The following MED29 variants were observed in gnomAD, a reference collection of about 807,000 sequenced individuals.
The protein encoded by MED29 is mediator complex subunit 29.
In MED29, 14 loss-of-function variants were observed where a neutral mutation model predicts 22.0. The ratio of observed to expected loss-of-function variants is 0.64; its 90% CI spans 0.42 to 0.99. MED29 has a LOEUF of 0.99. MED29 is among the 50% of genes least tolerant of loss of function. MED29 has a pLI of 0.00. For missense variants in MED29, 241 were observed against 253.7 expected (o/e 0.95, Z 0.34); for synonymous variants, 123 against 107.8 (o/e 1.14, Z -0.87).
chr19:39,394,232 T>G (rs2078415671), intron 3 of MED29, among the ~76,000 whole-genome samples: 2 of 151,614 alleles, frequency 1.3e-5, no homozygotes, highest in Non-Finnish European at 2.9e-5. Flanking sequence ...AAATGTGTAC[T>G]GTAGTATCAT....
intron 3 of MED29, among the ~76,000 whole-genome samples, chr19:39,394,400 T>A (rs912141293): frequency 6.6e-6 from 1 of 151,984 alleles, no homozygotes; most frequent in Non-Finnish European, 1.5e-5. Flanking sequence ...TAACTGGGAC[T>A]ATAGGCATAC....
intron 3 of MED29, 73 bp downstream of exon 3, chr19:39,393,710 A>C (rs575455821): frequency 7.7e-7 from 1 of 1,298,214 alleles, no homozygotes; most frequent in South Asian, 1.2e-5. Flanking sequence ...ACAGTCAGTC[A>C]GTCAACTCAC....
chr19:39,394,359 T>C lies in MED29; in HGVS notation c.360+722T>C, dbSNP rs557951939. Among the ~76,000 whole-genome samples the C allele has an allele frequency of 7.2e-5, 11 of 152,226 alleles. No homozygotes were observed. The South Asian group carries it at 2.1e-3, about 29-fold the overall frequency. ...TCACTGCAATCTCCTCCTCCCAGTT[T>C]CAAGCGATTCTGGTGCCTCAGCCTC... On this transcript the variant is annotated intron_variant, in intron 3 of 3. Coordinates refer to ENST00000315588, the MANE Select transcript of MED29 (RefSeq NM_017592.4).
intron 3 of MED29, among the ~76,000 whole-genome samples, chr19:39,396,757 GC>G (rs1293390176): frequency 4.0e-5 from 6 of 151,422 alleles, no homozygotes; most frequent in African/African-American, 1.2e-4. Flanking sequence ...GGGCGCGGTG[GC>G]TCATGCCTGT....
intron 3 of MED29, among the ~76,000 whole-genome samples, chr19:39,396,063 G>A (rs1341733203): frequency 6.6e-6 from 1 of 152,216 alleles, no homozygotes; most frequent in Non-Finnish European, 1.5e-5. Flanking sequence ...GTGTGCGTGG[G>A]TGTGACAGCC....
Position 39,397,871 on chromosome 19 carries a change from G to A in MED29, c.*172G>A, listed in dbSNP as rs3746082. 0.011 allele frequency: 12,170 copies of A among 1,100,184 alleles called. 285 individuals are homozygous for A. The highest frequency in any genetic ancestry group is 0.069 in the East Asian group (2,640 of 38,456). The allele number at this position is 1,100,184 out of a possible 1,614,324, so 68.2% of individuals were successfully genotyped here. Reference sequence around the variant, plus strand: ...GGGAGCTCGCAGGCCGGGCCCCTGCGTCCCTGCCCCTTCTTCCTGCTCCCC... The same window carrying A: ...GGGAGCTCGCAGGCCGGGCCCCTGCATCCCTGCCCCTTCTTCCTGCTCCCC... On this transcript the variant is annotated 3_prime_UTR_variant, in exon 4 of 4. Coordinates refer to ENST00000315588, the MANE Select transcript of MED29 (RefSeq NM_017592.4).
At position 39,397,720 on chromosome 19, in the gene MED29, G is replaced by T. The variant is rs2078436962; in HGVS notation, c.*21G>T. The T allele has an allele frequency of 1.9e-6, 3 of 1,599,090 alleles. No individual in the cohort carries two copies. Among genetic ancestry groups the T allele is most frequent in the Admixed American group, 3.4e-5 (2 of 59,688 alleles). On this transcript the variant is annotated 3_prime_UTR_variant, in exon 4 of 4. Coordinates refer to ENST00000315588, the MANE Select transcript of MED29 (RefSeq NM_017592.4). ...TGTGAAGTGGGGGACAGGGAGTGGG[G>T]CAGGCAGTGGTTGGTGGGTGGTGTG...
chr19:39,393,991 G>C (rs971145888), intron 3 of MED29, among the ~76,000 whole-genome samples: 49 of 152,204 alleles, frequency 3.2e-4, no homozygotes, highest in Admixed American at 3.1e-3. Flanking sequence ...TAGGGAGAGA[G>C]TGGCTTAGGG....
rs556997407 is a variant in MED29 at position 39,394,413 on chromosome 19, C to A, written c.360+776C>A. The stretch of plus-strand genomic sequence containing the variant: ...AGTAACTGGGACTATAGGCATACCA[C>A]GCCTGGCTAATTTTTGTATTTTTAG... On this transcript the variant is annotated intron_variant, in intron 3 of 3. Transcript: ENST00000315588. 2.0e-5 allele frequency among the ~76,000 whole-genome samples: 3 copies of A among 152,126 alleles called. No homozygotes were observed. In the South Asian group the frequency reaches 6.2e-4, roughly 32 times the overall value.
rs1180116429 is a variant in MED29 at position 39,392,511 on chromosome 19, C to T, written c.264C>T (p.Ile88=). The part of the protein sequence containing the change: ...AAQNLIQNTN[I]DNGQKSSDGP... ...AAAACTTGATTCAGAACACTAACAT[C>T]GACAATGGACAGTGAGTGCAGCCCC... Residue 88 remains isoleucine, a synonymous_variant, in exon 2 of 4, where the codon ATC becomes ATT. Transcript: ENST00000315588. The T allele has an allele frequency of 3.1e-6, 5 of 1,613,868 alleles. No individual in the cohort carries two copies. The highest frequency in any genetic ancestry group is 2.2e-5 in the South Asian group (2 of 91,070).
chr19:39,397,899 C>A lies in MED29; in HGVS notation c.*200C>A. The A allele has an allele frequency of 1.2e-6, 1 of 830,270 alleles. No individual in the cohort carries two copies. The highest frequency in any genetic ancestry group is 1.8e-6 in the Non-Finnish European group (1 of 545,616). The allele number at this position is 830,270 out of a possible 1,614,324, so 51.4% of individuals were successfully genotyped here. Reference sequence around the variant, plus strand: ...CCTGCCCCTTCTTCCTGCTCCCCCTCCTAGCCTAGGGTAGACTTTGAACTG... The same window carrying A: ...CCTGCCCCTTCTTCCTGCTCCCCCTACTAGCCTAGGGTAGACTTTGAACTG... On this transcript the variant is annotated 3_prime_UTR_variant, in exon 4 of 4. Coordinates refer to ENST00000315588, the MANE Select transcript of MED29 (RefSeq NM_017592.4).
intron 3 of MED29, 121 bp from the exon 4 acceptor site, chr19:39,397,336 C>CCT (rs977039148): frequency 1.8e-6 from 2 of 1,103,000 alleles, no homozygotes; most frequent in African/African-American, 3.1e-5. Flanking sequence ...GCAGGGCCAA[C>CCT]CTCTGACTCT....
At position 39,397,619 on chromosome 19, in the gene MED29, C is replaced by T; in HGVS notation, c.523C>T (p.His175Tyr). ...CCAGATTTCCTGTGCCAAGGACATT[C>T]ACACCGCCCTGCTGGACTGTGCCAA... is the stretch of plus-strand genomic sequence containing the variant. ...KAQISCAKDI[H>Y]TALLDCANKV... The change falls in exon 4 of 4, where the codon CAC becomes TAC. Residue 175 changes from histidine (H) to tyrosine (Y), a missense_variant. Physicochemically the swap from His to Tyr is moderately conservative, Grantham distance 83. Coordinates refer to ENST00000315588, the MANE Select transcript of MED29 (RefSeq NM_017592.4). 5 of 1,613,746 alleles carry T rather than the reference C, an allele frequency of 3.1e-6. No individual in the cohort carries two copies. Among genetic ancestry groups the T allele is most frequent in the Non-Finnish European group, 2.5e-6 (3 of 1,180,016 alleles).
intron 1 of MED29, 137 bp downstream of exon 1, chr19:39,391,775 T>C: frequency 9.3e-7 from 1 of 1,076,638 alleles, no homozygotes; most frequent in Non-Finnish European, 1.3e-6. Context: ...GGTGCACGCC[T>C]GTGTTCCCAG....
In MED29 at chr19:39,397,484, A is replaced by T; in HGVS notation, c.388A>T (p.Ser130Cys). 1 of 1,608,764 alleles carries T rather than the reference A, an allele frequency of 6.2e-7. No individual in the cohort carries two copies. The highest frequency in any genetic ancestry group is 8.5e-7 in the Non-Finnish European group (1 of 1,179,958). The change falls in exon 4 of 4, where the codon AGT (serine) becomes TGT (cysteine). Residue 130 changes from serine (S) to cysteine (C), a missense_variant. By Grantham distance (112) the Ser-to-Cys change is moderately radical. Transcript: ENST00000315588. Reference sequence around the variant, plus strand: ...CCTGGCGCATGAGTGCCTGTCACAGAGTTGTGACAGTGCCAAGCACTCTCC... The same window carrying T: ...CCTGGCGCATGAGTGCCTGTCACAGTGTTGTGACAGTGCCAAGCACTCTCC... ...LRLAHECLSQ[S>C]CDSAKHSPTL...
rs1486896648 is a variant in MED29, at chr19:39,392,509, A to G, written c.262A>G (p.Ile88Val). The change falls in exon 2 of 4, where the codon ATC becomes GTC. Residue 88 changes from isoleucine (I) to valine (V), a missense_variant. Physicochemically the swap from Ile to Val is conservative, Grantham distance 29. Transcript: ENST00000315588. ...AAQNLIQNTN[I>V]DNGQKSSDGP... ...CCAAAACTTGATTCAGAACACTAAC[A>G]TCGACAATGGACAGTGAGTGCAGCC... 1 of 1,613,828 alleles carries G rather than the reference A, an allele frequency of 6.2e-7. No individual in the cohort carries two copies. Among genetic ancestry groups the G allele is most frequent in the African/African-American group, 1.3e-5 (1 of 74,838 alleles).
At chr19:39,396,019 T>C (rs747136903) in intron 3 of MED29, among the ~76,000 whole-genome samples, 22 of 151,868 alleles carry the variant, frequency 1.4e-4, no homozygotes, top group Non-Finnish European at 2.1e-4. Context: ...AGCGACAGTG[T>C]GGGCGCCATT....
At chr19:39,392,385 C>A in intron 1 of MED29, 79 bp from the exon 2 acceptor site, 2 of 1,280,576 alleles carry the variant, frequency 1.6e-6, no homozygotes, top group Non-Finnish European at 1.1e-6. Context: ...TGAGTGATCT[C>A]AAGAAAGAGT....
Position 39,397,757 on chromosome 19 carries a change from A to G in MED29, c.*58A>G, listed in dbSNP as rs763153219. On this transcript the variant is annotated 3_prime_UTR_variant, in exon 4 of 4. Coordinates refer to ENST00000315588, the MANE Select transcript of MED29 (RefSeq NM_017592.4). ...TGGTGGGTGGTGTGCAAAGGGAATGAAGAGCGTCCTGGGCCTAAACACAGC... is the reference window on the plus strand; with the variant it reads ...TGGTGGGTGGTGTGCAAAGGGAATGGAGAGCGTCCTGGGCCTAAACACAGC... The G allele has an allele frequency of 3.2e-6, 5 of 1,576,776 alleles. No homozygotes were observed. In the South Asian group the frequency reaches 3.4e-5, roughly 11 times the overall value.
Sources: allele counts gnomAD v4.1 joint callset (sites outside exome capture counted in the v4.1 genomes callset), GRCh38; gene constraint gnomAD v4.1.1; transcripts MANE v1.5; gene names NCBI Gene and HGNC (gene_info 2026-07-23, HGNC 2026-07-21).